DSG3: variants seen among roughly 807,000 people sequenced by gnomAD.
DSG3 encodes the protein desmoglein-3.
Under a neutral mutation model 85.9 loss-of-function variants are expected in DSG3, and 63 were observed. The observed-to-expected ratio is 0.73, with a 90% CI of 0.60 to 0.90. DSG3 has a LOEUF of 0.90. DSG3 is among the 40% of genes least tolerant of loss of function. The probability of loss-of-function intolerance (pLI) is 0.00; values close to 1 mark genes in which losing one functional copy is unlikely to be tolerated. For missense variants in DSG3, 1,220 were observed against 1,219.9 expected (o/e 1.00, Z 0.00); for synonymous variants, 447 against 441.9 (o/e 1.01, Z -0.14).
rs879148099 is a variant in DSG3, at chr18:31,469,465, T to G, written c.1897+116T>G. 25 of 1,416,394 alleles carry G rather than the reference T, an allele frequency of 1.8e-5. No homozygotes were observed. The Admixed American group carries it at 3.2e-4, about 18-fold the overall frequency. 87.7% of individuals were successfully genotyped at this position (1,416,394 alleles called of 1,614,324 possible). On this transcript the variant is annotated intron_variant, in intron 12 of 15. Coordinates refer to ENST00000257189, the MANE Select transcript of DSG3 (RefSeq NM_001944.3). ...AGAATATTCTCTGATGTTTTATAGGTAAAGCTAGGGGAAAATGGCATTTTC... is the reference window on the plus strand; with the variant it reads ...AGAATATTCTCTGATGTTTTATAGGGAAAGCTAGGGGAAAATGGCATTTTC...
At chr18:31,462,341 G>A (rs560308779) in intron 8 of DSG3, among the ~76,000 whole-genome samples, 1 of 152,246 alleles carries the variant, frequency 6.6e-6, no homozygotes, top group Admixed American at 6.5e-5. Flanking sequence ...CAAAGTACTG[G>A]GATTACAGGC....
chr18:31,453,541 A>G (rs1466892060), intron 1 of DSG3, among the ~76,000 whole-genome samples: 1 of 152,196 alleles, frequency 6.6e-6, no homozygotes, highest in Non-Finnish European at 1.5e-5. Flanking sequence ...ATACATTTTT[A>G]TTAACAAATA....
intron 8 of DSG3, among the ~76,000 whole-genome samples, chr18:31,462,674 T>C (rs1364727821): frequency 6.6e-6 from 1 of 152,148 alleles, no homozygotes; most frequent in Non-Finnish European, 1.5e-5. Flanking sequence ...CATACAGCCT[T>C]AGAAATTGTC....
chr18:31,462,770 C>T (rs1343786032), intron 8 of DSG3, among the ~76,000 whole-genome samples: 2 of 152,184 alleles, frequency 1.3e-5, no homozygotes, highest in African/African-American at 4.8e-5. Flanking sequence ...TGCAGTCCCT[C>T]CTAATAGATA....
Position 31,466,762 on chromosome 18 carries a change from A to G in DSG3, c.1636+8A>G, listed in dbSNP as rs1455963346. 5 of 1,611,552 alleles carry G rather than the reference A, an allele frequency of 3.1e-6. No individual in the cohort carries two copies. In the Admixed American group the frequency reaches 8.3e-5, roughly 27 times the overall value. Reference sequence around the variant, plus strand: ...GTATCACAACCCTCAATGGTGAGTAACAGTAAAGTTGCTTCTATAAATGCA... The same window carrying G: ...GTATCACAACCCTCAATGGTGAGTAGCAGTAAAGTTGCTTCTATAAATGCA... On this transcript the variant is annotated splice_region_variant and intron_variant, in intron 11 of 15. Transcript: ENST00000257189.
At chr18:31,459,304 T>C (rs566071026) in intron 5 of DSG3, 127 bp downstream of exon 5, 1 of 926,474 alleles carries the variant, frequency 1.1e-6, no homozygotes, top group East Asian at 2.7e-5. Flanking sequence ...AAAATAAAAT[T>C]CATTAAGATA....
At position 31,476,330 on chromosome 18, in the gene DSG3, C is replaced by CAAAAAGTATTCAAAATAGTGAGCAA. The variant is rs2144251640; in HGVS notation, c.*73_*74insAAGTATTCAAAATAGTGAGCAAAAA. ...GACTAAAGTATTCAAAATAGCATAG[C>CAAAAAGTATTCAAAATAGTGAGCAA]AAAGCTCACTGTATTGGGCTAATAA... On this transcript the variant is annotated 3_prime_UTR_variant, in exon 16 of 16. Transcript: ENST00000257189. 1 of 1,517,054 alleles carries CAAAAAGTATTCAAAATAGTGAGCAA rather than the reference C, an allele frequency of 6.6e-7. No homozygotes were observed. Among genetic ancestry groups the CAAAAAGTATTCAAAATAGTGAGCAA allele is most frequent in the Non-Finnish European group, 8.9e-7 (1 of 1,128,868 alleles). The allele number at this position is 1,517,054 out of a possible 1,614,324, so 94.0% of individuals were successfully genotyped here.
At chr18:31,465,507 T>C (rs1180362680) in intron 10 of DSG3, 50 bp downstream of exon 10, 4 of 1,335,090 alleles carry the variant, frequency 3.0e-6, no homozygotes, top group East Asian at 2.7e-5. Flanking sequence ...GTAATTGATG[T>C]TTCTTTATGC....
Position 31,477,858 on chromosome 18 carries a change from A to C in DSG3, c.*1598A>C, listed in dbSNP as rs1409570396. ...CCTCCATTATTCCTTACTGTATATA[A>C]AATACAGAGTTTTATATTTTCCTTT... On this transcript the variant is annotated 3_prime_UTR_variant, in exon 16 of 16. Coordinates refer to ENST00000257189, the MANE Select transcript of DSG3 (RefSeq NM_001944.3). 6.6e-6 allele frequency: 1 copy of C among 152,212 alleles called. No homozygotes were observed. The highest frequency in any genetic ancestry group is 1.5e-5 in the Non-Finnish European group (1 of 68,032). The allele number at this position is 152,212 out of a possible 1,614,324, so 9.4% of individuals were successfully genotyped here.
intron 1 of DSG3, among the ~76,000 whole-genome samples, chr18:31,448,140 T>C (rs2072689863): frequency 6.6e-6 from 1 of 152,214 alleles, no homozygotes; most frequent in African/African-American, 2.4e-5. Flanking sequence ...AAGAAATGAG[T>C]TTTAAAAACC....
In DSG3 at chr18:31,477,994, C is replaced by T. The variant is rs1000374960; in HGVS notation, c.*1734C>T. On this transcript the variant is annotated 3_prime_UTR_variant, in exon 16 of 16. Transcript: ENST00000257189. ...GGGTGTGGTCCTGAAGGAAAGAGGT[C>T]CCCTAAATATCCCCCACCCTGGTGC... The T allele has an allele frequency of 6.6e-6, 1 of 152,168 alleles. No homozygotes were observed. The highest frequency in any genetic ancestry group is 1.9e-4 in the East Asian group (1 of 5,202). The allele number at this position is 152,168 out of a possible 1,614,324, so 9.4% of individuals were successfully genotyped here. A position where few individuals can be genotyped will look rare whatever the true frequency, so the allele number is the denominator to read the frequency against.
chr18:31,455,891 C>T (rs945086214), intron 1 of DSG3, among the ~76,000 whole-genome samples: 4 of 152,314 alleles, frequency 2.6e-5, no homozygotes, highest in South Asian at 2.1e-4. Flanking sequence ...TCATCTTTTA[C>T]GTTTTGTTCT....
At chr18:31,471,548 C>T (rs1210157713) in intron 12 of DSG3, among the ~76,000 whole-genome samples, 1 of 152,150 alleles carries the variant, frequency 6.6e-6, no homozygotes, top group African/African-American at 2.4e-5. Flanking sequence ...GTGGCCTTGG[C>T]AGGGCAGAGG....
intron 1 of DSG3, among the ~76,000 whole-genome samples, chr18:31,454,686 T>C (rs78106940): frequency 8.6e-5 from 13 of 151,704 alleles, no homozygotes; most frequent in South Asian, 4.2e-4. Flanking sequence ...TTTTTTTTTT[T>C]TCTCTTTATG....
intron 11 of DSG3, among the ~76,000 whole-genome samples, chr18:31,467,033 CA>C (rs1188987227): frequency 6.6e-6 from 1 of 151,996 alleles, no homozygotes; most frequent in Non-Finnish European, 1.5e-5. Context: ...ATAGTGCACC[CA>C]AAAAAGATTA....
chr18:31,459,793 C>A, intron 5 of DSG3, 52 bp from the exon 6 acceptor site: 1 of 1,480,978 alleles, frequency 6.8e-7, no homozygotes, highest in Non-Finnish European at 9.2e-7. Flanking sequence ...TTAAAGTAAA[C>A]ATAATGTTAA....
chr18:31,449,041 G>A (rs1185375723), intron 1 of DSG3, among the ~76,000 whole-genome samples: 2 of 152,038 alleles, frequency 1.3e-5, no homozygotes, highest in Non-Finnish European at 2.9e-5. Context: ...GATTACAGGC[G>A]TGCACCACCA....
In DSG3 at chr18:31,477,804, G is replaced by A. The variant is rs2072898374; in HGVS notation, c.*1544G>A. 3 of 152,180 alleles carry A rather than the reference G, an allele frequency of 2.0e-5. No individual in the cohort carries two copies. Among genetic ancestry groups the A allele is most frequent in the Non-Finnish European group, 1.5e-5 (1 of 68,042 alleles). 9.4% of individuals were successfully genotyped at this position (152,180 alleles called of 1,614,324 possible). On this transcript the variant is annotated 3_prime_UTR_variant, in exon 16 of 16. Transcript: ENST00000257189. ...CCTACCTCACCTGCTTACTGACATT[G>A]TCTTAGCTGATCACAAGATCATTAT...
At position 31,472,736 on chromosome 18, in the gene DSG3, T is replaced by G; in HGVS notation, c.2049T>G (p.Asn683Lys). The G allele has an allele frequency of 6.2e-7, 1 of 1,614,024 alleles. No individual in the cohort carries two copies. The highest frequency in any genetic ancestry group is 8.5e-7 in the Non-Finnish European group (1 of 1,179,942). ...CACATGGTTTGCAGGAAATCACAAA[T>G]ATTTGTGTGCCTCCTGTAACAGCCA... ...GAHPEDKEIT[N>K]ICVPPVTANG... Residue 683 changes from asparagine to lysine, a missense_variant, in exon 14 of 16, where the codon AAT becomes AAG. Asn to Lys is a moderately conservative substitution (Grantham distance 94). Transcript: ENST00000257189.
Sources: allele counts gnomAD v4.1 joint callset (sites outside exome capture counted in the v4.1 genomes callset), GRCh38; gene constraint gnomAD v4.1.1; transcripts MANE v1.5; gene names NCBI Gene and HGNC (gene_info 2026-07-23, HGNC 2026-07-21).